CNTN4: variants seen among roughly 807,000 people sequenced by gnomAD.
CNTN4 encodes contactin-4.
CNTN4 carries 77 observed loss-of-function variants against 122.5 expected under a neutral mutation model. The ratio of observed to expected loss-of-function variants is 0.63; its 90% CI spans 0.52 to 0.76. The LOEUF (loss-of-function observed/expected upper bound fraction) is 0.76, where lower values mean the gene tolerates loss of function less well. CNTN4 is among the 30% of genes least tolerant of loss of function. CNTN4 has a pLI of 0.00. For synonymous variants in CNTN4, 512 were observed against 447.0 expected (o/e 1.15, Z -1.83); for missense variants, 1,256 against 1,259.1 (o/e 1.00, Z 0.04).
intron 3 of CNTN4, among the ~76,000 whole-genome samples, chr3:2,374,288 T>C (rs968912882): frequency 3.3e-5 from 5 of 152,202 alleles, no homozygotes; most frequent in African/African-American, 1.2e-4. Context: ...AGGTTGTCTC[T>C]GCAAGGAAGG....
chr3:2,698,199 A>G (rs2086154840), intron 4 of CNTN4, among the ~76,000 whole-genome samples: 1 of 152,258 alleles, frequency 6.6e-6, no homozygotes, highest in African/African-American at 2.4e-5. Context: ...ATGGTAAGTT[A>G]TAAAATCCAT....
intron 2 of CNTN4, among the ~76,000 whole-genome samples, chr3:2,240,495 G>T (rs912344855): frequency 1.3e-5 from 2 of 152,014 alleles, no homozygotes; most frequent in African/African-American, 4.8e-5. Flanking sequence ...CCAGGCCAAA[G>T]ACTTCACTAG....
At chr3:2,269,709 C>T (rs2041194622) in intron 2 of CNTN4, among the ~76,000 whole-genome samples, 1 of 152,034 alleles carries the variant, frequency 6.6e-6, no homozygotes, top group Non-Finnish European at 1.5e-5. Flanking sequence ...TAATCGATTA[C>T]ATTAAAACTA....
intron 3 of CNTN4, among the ~76,000 whole-genome samples, chr3:2,404,400 T>G (rs558487814): frequency 6.6e-6 from 1 of 152,166 alleles, no homozygotes; most frequent in Non-Finnish European, 1.5e-5. Context: ...ATTTTGCTGG[T>G]TTTTGGCTGG....
intron 6 of CNTN4, among the ~76,000 whole-genome samples, chr3:2,818,960 A>G (rs1036473118): frequency 6.6e-6 from 1 of 152,262 alleles, no homozygotes; most frequent in African/African-American, 2.4e-5. Flanking sequence ...AAGTATAATT[A>G]TATATGATAG....
intron 4 of CNTN4, among the ~76,000 whole-genome samples, chr3:2,696,911 T>G (rs2176262): frequency 0.24 from 35,758 of 152,096 alleles, 4,421 homozygotes; most frequent in South Asian, 0.43. Flanking sequence ...TAGCCATTTG[T>G]TAAGTTAATT....
At position 2,902,271 on chromosome 3, in the gene CNTN4, T is replaced by C. The variant is rs538547295; in HGVS notation, c.1078-605T>C. Among the ~76,000 whole-genome samples the C allele has an allele frequency of 1.1e-3, 168 of 152,278 alleles. No individual in the cohort carries two copies. In the Middle Eastern group the frequency reaches 0.017, roughly 16 times the overall value. ...AGTGACAAATAAGGAGGATCTCCTG[T>C]GCCACGTACTAACTTTGCCCCCTTC... On this transcript the variant is annotated intron_variant, in intron 11 of 24. Transcript: ENST00000418658.
chr3:2,975,230 C>G lies in CNTN4; in HGVS notation c.1359-13115C>G, dbSNP rs141285404. Among the ~76,000 whole-genome samples the G allele has an allele frequency of 2.8e-4, 42 of 152,180 alleles. No individual in the cohort carries two copies. In the East Asian group the frequency reaches 7.5e-3, roughly 27 times the overall value. ...GAACTATTTAATTATAACCAAAGATCTAATGGTAAATTTAAAGAAAATCTC... is the reference window on the plus strand; with the variant it reads ...GAACTATTTAATTATAACCAAAGATGTAATGGTAAATTTAAAGAAAATCTC... On this transcript the variant is annotated intron_variant, in intron 13 of 24. Transcript: ENST00000418658.
chr3:2,997,917 A>C (rs1451608500), intron 14 of CNTN4, among the ~76,000 whole-genome samples: 1 of 152,188 alleles, frequency 6.6e-6, no homozygotes, highest in African/African-American at 2.4e-5. Flanking sequence ...GATTTCCCAA[A>C]CTGGAAAACA....
chr3:2,528,360 G>A (rs1412937993), intron 3 of CNTN4, among the ~76,000 whole-genome samples: 2 of 152,016 alleles, frequency 1.3e-5, no homozygotes, highest in Non-Finnish European at 2.9e-5. Flanking sequence ...GAGAAATCAG[G>A]AATATCAACC....
intron 3 of CNTN4, among the ~76,000 whole-genome samples, chr3:2,360,760 A>T (rs1479973988): frequency 1.3e-5 from 2 of 152,182 alleles, no homozygotes; most frequent in Non-Finnish European, 2.9e-5. Flanking sequence ...TCCGGAGAAC[A>T]GCATGGGGAA....
chr3:2,918,049 C>A (rs1169713490), intron 12 of CNTN4, among the ~76,000 whole-genome samples: 1 of 152,122 alleles, frequency 6.6e-6, no homozygotes, highest in African/African-American at 2.4e-5. Context: ...TTGGTAAAGT[C>A]TTTTGAATGT....
intron 14 of CNTN4, among the ~76,000 whole-genome samples, chr3:3,004,857 G>C (rs1696455999): frequency 6.6e-6 from 1 of 152,206 alleles, no homozygotes. Flanking sequence ...CACTGGGGCA[G>C]TGGTCCTGTA....
chr3:2,224,188 A>G (rs2039174222), intron 2 of CNTN4, among the ~76,000 whole-genome samples: 1 of 152,186 alleles, frequency 6.6e-6, no homozygotes, highest in South Asian at 2.1e-4. Context: ...AGCCAAATGT[A>G]TGCCAAAGAA....
intron 2 of CNTN4, among the ~76,000 whole-genome samples, chr3:2,298,985 A>G (rs922258610): frequency 6.9e-6 from 1 of 145,486 alleles, no homozygotes; most frequent in South Asian, 2.2e-4. Flanking sequence ...CATTTCTTCA[A>G]AGTCACTTCT....
chr3:2,553,513 A>C (rs1467950604), intron 3 of CNTN4, among the ~76,000 whole-genome samples: 2 of 152,156 alleles, frequency 1.3e-5, no homozygotes, highest in Admixed American at 1.3e-4. Context: ...CTCCAATATC[A>C]ACTTTGGCTT....
Position 2,555,650 on chromosome 3 carries a change from C to T in CNTN4, c.-88-15766C>T, listed in dbSNP as rs1243348867. Among the ~76,000 whole-genome samples, 3 of 152,106 alleles carry T rather than the reference C, an allele frequency of 2.0e-5. No homozygotes were observed. The East Asian group carries it at 5.8e-4, about 29-fold the overall frequency. Reference sequence around the variant, plus strand: ...TCACAGAAGGGAAGAGAGAGGGGAACAGCAGGTACAAAGGTAAGGAGACAA... The same window carrying T: ...TCACAGAAGGGAAGAGAGAGGGGAATAGCAGGTACAAAGGTAAGGAGACAA... On this transcript the variant is annotated intron_variant, in intron 3 of 24. Transcript: ENST00000418658.
At position 2,497,050 on chromosome 3, in the gene CNTN4, T is replaced by C. The variant is rs79371824; in HGVS notation, c.-88-74366T>C. Among the ~76,000 whole-genome samples, 690 of 152,266 alleles carry C rather than the reference T, an allele frequency of 4.5e-3. 7 individuals carry two copies. The East Asian group carries it at 0.047, about 10-fold the overall frequency. ...AGGACCCAGGTGATGCCTGCCCACA[T>C]TGATGAGGGCAGATTATCTGTACTT... On this transcript the variant is annotated intron_variant, in intron 3 of 24. Coordinates refer to ENST00000418658, the MANE Select transcript of CNTN4 (RefSeq NM_175607.3).
At chr3:3,021,785 A>C (rs1435990668) in intron 14 of CNTN4, among the ~76,000 whole-genome samples, 1 of 152,218 alleles carries the variant, frequency 6.6e-6, no homozygotes, top group Non-Finnish European at 1.5e-5. Context: ...TTTTGCAGAT[A>C]ATAAGAACTA....
Sources: gnomAD v4.1 joint callset for allele counts (sites outside exome capture counted in the v4.1 genomes callset) on GRCh38, gnomAD v4.1.1 for gene constraint, MANE v1.5 for transcripts, NCBI Gene and HGNC (gene_info 2026-07-23, HGNC 2026-07-21) for gene names.